Variants in AFDN observed in about 807,000 individuals in gnomAD.
AFDN encodes the protein afadin.
A neutral mutation model predicts 216.6 loss-of-function variants in AFDN; 68 were observed. The ratio of observed to expected loss-of-function variants is 0.31; its 90% CI spans 0.26 to 0.38. The LOEUF (loss-of-function observed/expected upper bound fraction) is 0.38, where lower values mean the gene tolerates loss of function less well. AFDN is among the 10% of genes least tolerant of loss of function. The pLI, the probability that AFDN is intolerant of heterozygous loss-of-function variation, is 1.00. For missense variants in AFDN, 2,136 were observed against 2,342.0 expected (o/e 0.91, Z 1.82); for synonymous variants, 868 against 853.7 (o/e 1.02, Z -0.29).
chr6:167,854,347 T>C (rs1252012209), intron 1 of AFDN, among the ~76,000 whole-genome samples: 3 of 152,088 alleles, frequency 2.0e-5, no homozygotes, highest in Non-Finnish European at 4.4e-5. Context: ...TATATTTCTT[T>C]CTGTGAAACA....
At chr6:167,846,705 A>G (rs1380798368) in intron 1 of AFDN, among the ~76,000 whole-genome samples, 2 of 149,412 alleles carry the variant, frequency 1.3e-5, no homozygotes, top group Non-Finnish European at 1.5e-5. Context: ...TAAAAAAAAA[A>G]CCAAGTTGTT....
chr6:167,968,950 T>G (rs908431706), intron 32 of AFDN, 164 bp from the exon 33 acceptor site: 6 of 605,634 alleles, frequency 9.9e-6, no homozygotes, highest in Non-Finnish European at 1.5e-5. Flanking sequence ...CCAACAGGGA[T>G]GAATTTCAAA....
intron 23 of AFDN, among the ~76,000 whole-genome samples, chr6:167,938,487 T>A (rs886892676): frequency 2.0e-5 from 3 of 152,222 alleles, no homozygotes; most frequent in African/African-American, 7.2e-5. Flanking sequence ...TGCCAGAATT[T>A]GTCTGAAATT....
rs1790656000 is a variant in AFDN, at chr6:167,913,395, T to A, written c.2038-8T>A. 1 of 1,535,880 alleles carries A rather than the reference T, an allele frequency of 6.5e-7. No homozygotes were observed. Among genetic ancestry groups the A allele is most frequent in the East Asian group, 2.4e-5 (1 of 40,920 alleles). ...CTGCTTGATTTCCCCTCGTCTGTTT[T>A]TCTCCAGGAAGTAGACCAGGTTGAC... On this transcript the variant is annotated splice_polypyrimidine_tract_variant and splice_region_variant and intron_variant, in intron 15 of 33. Transcript: ENST00000683244.
At chr6:167,924,559 T>C (rs1792257844) in intron 22 of AFDN, among the ~76,000 whole-genome samples, 1 of 152,230 alleles carries the variant, frequency 6.6e-6, no homozygotes, top group South Asian at 2.1e-4. Flanking sequence ...CGTTAGGTCA[T>C]CTTTGTTATA....
rs143506824 is a variant in AFDN, at chr6:167,832,686, G to A, written c.105+5449G>A. On this transcript the variant is annotated intron_variant, in intron 1 of 33. Coordinates refer to ENST00000683244, the MANE Select transcript of AFDN (RefSeq NM_001386888.1). ...GTTTTATACTTACAAATTTATGCAT[G>A]TATGTCATGAGTGAAACTCTTTTGA... is the stretch of plus-strand genomic sequence containing the variant. 8.6e-3 allele frequency among the ~76,000 whole-genome samples: 1,306 copies of A among 152,298 alleles called. 29 individuals are homozygous for A. The highest frequency in any genetic ancestry group is 0.03 in the African/African-American group (1,242 of 41,564).
At chr6:167,881,815 T>G (rs1441328786) in intron 6 of AFDN, among the ~76,000 whole-genome samples, 1 of 152,210 alleles carries the variant, frequency 6.6e-6, no homozygotes, top group Non-Finnish European at 1.5e-5. Context: ...CCCAGAATAC[T>G]GATGGCTAGA....
At chr6:167,881,299 A>G (rs774938557) in intron 6 of AFDN, among the ~76,000 whole-genome samples, 1 of 152,236 alleles carries the variant, frequency 6.6e-6, no homozygotes, top group African/African-American at 2.4e-5. Flanking sequence ...TTTGAAGCTT[A>G]TGAATACAGC....
chr6:167,921,572 A>G (rs777700088), intron 21 of AFDN, among the ~76,000 whole-genome samples: 1 of 152,232 alleles, frequency 6.6e-6, no homozygotes, highest in Non-Finnish European at 1.5e-5. Context: ...CTGTACGACC[A>G]GCCTGGACTC....
chr6:167,911,233 T>C (rs375511937), intron 14 of AFDN, 51 bp from the exon 15 acceptor site: 1 of 1,602,038 alleles, frequency 6.2e-7, no homozygotes, highest in African/African-American at 1.3e-5. Flanking sequence ...ATTTTCACAT[T>C]CGTTTTTATT....
At position 167,970,268 on chromosome 6, in the gene AFDN, T is replaced by TCTCCCATC. The variant is rs1243143322; in HGVS notation, c.*334_*341dup. The TCTCCCATC allele has an allele frequency of 6.9e-6, 2 of 290,192 alleles. No homozygotes were observed. The highest frequency in any genetic ancestry group is 4.4e-5 in the African/African-American group (2 of 45,822). 18.0% of individuals were successfully genotyped at this position (290,192 alleles called of 1,614,324 possible). On this transcript the variant is annotated 3_prime_UTR_variant, in exon 34 of 34. Transcript: ENST00000683244. ...AGGAGAAGAGAATGGATGTGTCTTC[T>TCTCCCATC]CTCCCATCTTCCCCTCATCATCGAC... is the stretch of plus-strand genomic sequence containing the variant.
At position 167,947,937 on chromosome 6, in the gene AFDN, G is replaced by C. The variant is rs1216700939; in HGVS notation, c.3638G>C (p.Cys1213Ser). The C allele has an allele frequency of 2.5e-6, 4 of 1,611,612 alleles. No individual in the cohort carries two copies. In the African/African-American group the frequency reaches 5.3e-5, roughly 22 times the overall value. The change falls in exon 28 of 34, where the codon TGC (cysteine) becomes TCC (serine). Residue 1213 changes from cysteine (C) to serine (S), a missense_variant. This residue lies in a region of AFDN where 981 missense variants were observed against 966.0 expected (regional missense o/e 1.02). Coordinates refer to ENST00000683244, the MANE Select transcript of AFDN (RefSeq NM_001386888.1). ...ACATCTGTCTCTACTGGAAACCTCT[G>C]CACTGAGGTCTGATTGATTGATAAG... Reference protein sequence around the residue: ...KITSVSTGNLCTEEQTPPPRP... With the variant: ...KITSVSTGNLSTEEQTPPPRP...
At chr6:167,965,063 G>T (rs1179936241) in intron 31 of AFDN, 1 of 1,035,386 alleles carries the variant, frequency 9.7e-7, no homozygotes. Flanking sequence ...TTTTCTGTCT[G>T]TTAGGGAGTT....
chr6:167,833,144 T>G (rs968030736), intron 1 of AFDN, among the ~76,000 whole-genome samples: 1 of 152,244 alleles, frequency 6.6e-6, no homozygotes, highest in Non-Finnish European at 1.5e-5. Flanking sequence ...CAGACTTTTT[T>G]GTGGGTGTTT....
At chr6:167,917,025 A>G (rs1791165409) in intron 19 of AFDN, 64 bp from the exon 20 acceptor site, 1 of 1,377,026 alleles carries the variant, frequency 7.3e-7, no homozygotes, top group Non-Finnish European at 1.0e-6. Flanking sequence ...TATTACATAA[A>G]GGATAATATT....
intron 6 of AFDN, among the ~76,000 whole-genome samples, chr6:167,887,970 A>G (rs1787075391): frequency 6.6e-6 from 1 of 152,218 alleles, no homozygotes; most frequent in East Asian, 1.9e-4. Context: ...TGCTTTCTAG[A>G]GAAGTTGTAC....
At chr6:167,964,459 G>A (rs1228662807) in intron 31 of AFDN, 7 of 1,065,394 alleles carry the variant, frequency 6.6e-6, no homozygotes, top group Non-Finnish European at 8.0e-6. Flanking sequence ...CTTACTTTGT[G>A]TAGACAAGAA....
rs755405654 is a variant in AFDN at position 167,902,397 on chromosome 6, A to T, written c.1650+11A>T. The T allele has an allele frequency of 6.3e-7, 1 of 1,591,038 alleles. No homozygotes were observed. Among genetic ancestry groups the T allele is most frequent in the South Asian group, 1.1e-5 (1 of 90,562 alleles). On this transcript the variant is annotated intron_variant, in intron 12 of 33. Transcript: ENST00000683244. ...TTACCGACAAGCAAGGTAGGTAATT[A>T]TGGATTACCTGATAGAAGTGTGCTT...
Position 167,971,227 on chromosome 6 carries a change from A to G in AFDN, c.*1292A>G, listed in dbSNP as rs1309343165. The G allele has an allele frequency of 9.1e-6, 2 of 220,586 alleles. No individual in the cohort carries two copies. The highest frequency in any genetic ancestry group is 4.5e-5 in the African/African-American group (2 of 44,662). The allele number at this position is 220,586 out of a possible 1,614,324, so 13.7% of individuals were successfully genotyped here. Reference sequence around the variant, plus strand: ...TTCTCTTACACATACGTATGTTAGGAAAATAGGCACACTTTCAAAGAGAAT... The same window carrying G: ...TTCTCTTACACATACGTATGTTAGGGAAATAGGCACACTTTCAAAGAGAAT... On this transcript the variant is annotated 3_prime_UTR_variant, in exon 34 of 34. Coordinates refer to ENST00000683244, the MANE Select transcript of AFDN (RefSeq NM_001386888.1).
Sources: gnomAD v4.1 joint callset for allele counts (sites outside exome capture counted in the v4.1 genomes callset) on GRCh38, gnomAD v4.1.1 for gene constraint, gnomAD v4.1.1 regional missense constraint, MANE v1.5 for transcripts, NCBI Gene and HGNC (gene_info 2026-07-23, HGNC 2026-07-21) for gene names.